The following ARK2C variants were observed in gnomAD, a reference collection of about 807,000 sequenced individuals.
The protein encoded by ARK2C is E3 ubiquitin-protein ligase ARK2C.
chr18:46,392,172 A>G, the ARK2C span, among the ~76,000 whole-genome samples: 1 of 152,110 alleles, frequency 6.6e-6, no homozygotes, highest in Non-Finnish European at 1.5e-5. Flanking sequence ...CGTGTACCAC[A>G]CACATGCACA....
the ARK2C span, among the ~76,000 whole-genome samples, chr18:46,452,905 C>T: frequency 6.6e-6 from 1 of 152,136 alleles, no homozygotes; most frequent in Non-Finnish European, 1.5e-5. Context: ...CTGTCCACCT[C>T]CCCCTTTTAA....
chr18:46,430,536 TG>T, the ARK2C span, among the ~76,000 whole-genome samples: 1 of 152,226 alleles, frequency 6.6e-6, no homozygotes, highest in African/African-American at 2.4e-5. Context: ...TTGTAGTTTT[TG>T]TTCCTAATTT....
chr18:46,383,600 A>G, the ARK2C span, among the ~76,000 whole-genome samples: 19 of 136,676 alleles, frequency 1.4e-4, no homozygotes, highest in East Asian at 4.3e-4. Context: ...TGTCACCCAG[A>G]TTGGAGTACA....
the ARK2C span, among the ~76,000 whole-genome samples, chr18:46,430,204 T>C: frequency 6.6e-6 from 1 of 152,232 alleles, no homozygotes; most frequent in Non-Finnish European, 1.5e-5. Context: ...TCTATTCTCA[T>C]ACTTGATTAA....
At chr18:46,361,525 C>T in the ARK2C span, among the ~76,000 whole-genome samples, 1 of 152,236 alleles carries the variant, frequency 6.6e-6, no homozygotes, top group Non-Finnish European at 1.5e-5. Context: ...TGTGCCCGGC[C>T]ACACGGTTCC....
chr18:46,455,418 C>T, the ARK2C span, among the ~76,000 whole-genome samples: 3 of 152,172 alleles, frequency 2.0e-5, no homozygotes, highest in Non-Finnish European at 4.4e-5. Context: ...TCATTAGGAA[C>T]CCAATTTCTT....
the ARK2C span, among the ~76,000 whole-genome samples, chr18:46,394,974 T>C: frequency 6.6e-6 from 1 of 152,214 alleles, no homozygotes; most frequent in African/African-American, 2.4e-5. Flanking sequence ...ATAATGTCCA[T>C]GCAAAGCCTC....
chr18:46,362,960 G>A, the ARK2C span, among the ~76,000 whole-genome samples: 6 of 152,322 alleles, frequency 3.9e-5, no homozygotes, highest in East Asian at 1.2e-3. Flanking sequence ...GCTCTTGTGT[G>A]GAGTCCACAG....
chr18:46,448,903 A>C, the ARK2C span, among the ~76,000 whole-genome samples: 1 of 152,186 alleles, frequency 6.6e-6, no homozygotes, highest in East Asian at 1.9e-4. Flanking sequence ...TGTCTCTGTC[A>C]CTAACCACTC....
At chr18:46,351,234 T>A in the ARK2C span, among the ~76,000 whole-genome samples, 1 of 152,190 alleles carries the variant, frequency 6.6e-6, no homozygotes, top group Non-Finnish European at 1.5e-5. Context: ...AAAATACAGA[T>A]GACCTAGCCC....
At chr18:46,462,267 C>A in the ARK2C span, 1 of 153,050 alleles carries the variant, frequency 6.5e-6, no homozygotes, top group African/African-American at 2.4e-5. Context: ...GGAGTTCACG[C>A]CCCTGAGAGT....
the ARK2C span, among the ~76,000 whole-genome samples, chr18:46,417,980 A>G: frequency 0.32 from 48,952 of 151,710 alleles, 9,972 homozygotes; most frequent in East Asian, 0.73. Context: ...CTCCAGCCTG[A>G]GCAACAGAGC....
the ARK2C span, among the ~76,000 whole-genome samples, chr18:46,439,208 A>T: frequency 6.6e-6 from 1 of 152,252 alleles, no homozygotes; most frequent in Non-Finnish European, 1.5e-5. Context: ...AACAGGGATC[A>T]GACTCCCCTG....
the ARK2C span, among the ~76,000 whole-genome samples, chr18:46,392,946 G>A: frequency 6.6e-6 from 1 of 152,012 alleles, no homozygotes; most frequent in African/African-American, 2.4e-5. Context: ...AAACACCATG[G>A]AAACCCAAGA....
chr18:46,440,711 A>G, the ARK2C span, among the ~76,000 whole-genome samples: 12 of 131,594 alleles, frequency 9.1e-5, no homozygotes, highest in Non-Finnish European at 2.0e-4. Flanking sequence ...TATACTTTGT[A>G]TCAATCAAGA....
chr18:46,351,286 TC>T, the ARK2C span, among the ~76,000 whole-genome samples: 1 of 152,008 alleles, frequency 6.6e-6, no homozygotes, highest in Non-Finnish European at 1.5e-5. Context: ...GGGACTTCCC[TC>T]CAGTCTGAAG....
chr18:46,405,855 C>T, the ARK2C span, among the ~76,000 whole-genome samples: 9 of 152,072 alleles, frequency 5.9e-5, no homozygotes, highest in African/African-American at 1.9e-4. Context: ...TTTCTAGAAT[C>T]ACTGGCAGGG....
the ARK2C span, among the ~76,000 whole-genome samples, chr18:46,374,633 C>G: frequency 3.3e-5 from 5 of 151,660 alleles, no homozygotes; most frequent in African/African-American, 1.2e-4. Context: ...TCTCTTTGTG[C>G]TCTAATTCTT....
chr18:46,348,179 A>C, the ARK2C span, among the ~76,000 whole-genome samples: 2 of 135,374 alleles, frequency 1.5e-5, no homozygotes, highest in Non-Finnish European at 1.6e-5. Context: ...GTCTTAAAGG[A>C]ACTGGTTGCC....
Sources: gnomAD v4.1 joint callset for allele counts (sites outside exome capture counted in the v4.1 genomes callset) on GRCh38, gnomAD v4.1.1 for gene constraint, MANE v1.5 for transcripts, NCBI Gene and HGNC (gene_info 2026-07-23, HGNC 2026-07-21) for gene names.